Variants in PTPRT observed in about 807,000 individuals in gnomAD.
The protein encoded by PTPRT is protein tyrosine phosphatase receptor type T.
A neutral mutation model predicts 176.8 loss-of-function variants in PTPRT; 56 were observed. The ratio of observed to expected loss-of-function variants is 0.32; its 90% CI spans 0.26 to 0.40. The LOEUF (loss-of-function observed/expected upper bound fraction) is 0.40, where lower values mean the gene tolerates loss of function less well. Among genes scored for constraint, PTPRT ranks in the 10% least tolerant of loss-of-function variants. The pLI, the probability that PTPRT is intolerant of heterozygous loss-of-function variation, is 1.00. For missense variants in PTPRT, 1,540 were observed against 1,908.2 expected (o/e 0.81, Z 3.60); for synonymous variants, 783 against 739.0 (o/e 1.06, Z -0.96).
rs1479940334 is a variant in PTPRT, at chr20:42,617,671, G to A, written c.1153+60195C>T. ...CTTCTTCCTGGTTTAGTCTTGGGAG[G>A]GTGTATGTGTTGAGGAGTTTATCCA... is the stretch of plus-strand genomic sequence containing the variant. On this transcript the variant is annotated intron_variant, in intron 7 of 30. Coordinates refer to ENST00000373187, the MANE Select transcript of PTPRT (RefSeq NM_007050.6). Among the ~76,000 whole-genome samples the A allele has an allele frequency of 7.9e-5, 11 of 138,538 alleles. 3 individuals are homozygous for A. The highest frequency in any genetic ancestry group is 3.5e-4 in the African/African-American group (11 of 31,870). The allele number at this position is 138,538 out of a possible 152,430, so 90.9% of individuals were successfully genotyped here.
At chr20:42,694,027 T>C (rs1410620623) in intron 6 of PTPRT, among the ~76,000 whole-genome samples, 1 of 96,404 alleles carries the variant, frequency 1.0e-5, no homozygotes, top group Non-Finnish European at 2.1e-5. Flanking sequence ...TTTTTTTTCT[T>C]TTATTTTATT....
At chr20:42,812,841 G>A (rs907008788) in intron 2 of PTPRT, among the ~76,000 whole-genome samples, 42 of 152,028 alleles carry the variant, frequency 2.8e-4, no homozygotes, top group Admixed American at 8.5e-4. Context: ...CATAATCAAC[G>A]CCAAAATAAT....
chr20:42,822,047 T>G (rs1346137860), intron 2 of PTPRT, among the ~76,000 whole-genome samples: 3 of 152,120 alleles, frequency 2.0e-5, no homozygotes, highest in Non-Finnish European at 4.4e-5. Context: ...CTCACAGAAT[T>G]AGAAAAAATA....
Position 42,078,898 on chromosome 20 carries a change from T to A in PTPRT, c.*1981A>T, listed in dbSNP as rs1445952919. 1 of 175,592 alleles carries A rather than the reference T, an allele frequency of 5.7e-6. No homozygotes were observed. The allele number at this position is 175,592 out of a possible 1,614,324, so 10.9% of individuals were successfully genotyped here. A position where few individuals can be genotyped will look rare whatever the true frequency, so the allele number is the denominator to read the frequency against. On this transcript the variant is annotated 3_prime_UTR_variant, in exon 31 of 31. Transcript: ENST00000373187. The stretch of plus-strand genomic sequence containing the variant: ...AGAGACTTTCTTGCTCCTAGGCTCA[T>A]GGAACACTCATCCACTCCACACTAC...
intron 1 of PTPRT, among the ~76,000 whole-genome samples, chr20:43,077,751 T>C (rs1157512897): frequency 6.6e-6 from 1 of 152,224 alleles, no homozygotes; most frequent in Non-Finnish European, 1.5e-5. Flanking sequence ...ACCCCTTTTG[T>C]GGAGTCCACT....
At chr20:42,218,906 G>C (rs1471965120) in intron 15 of PTPRT, among the ~76,000 whole-genome samples, 1 of 152,348 alleles carries the variant, frequency 6.6e-6, no homozygotes, top group East Asian at 1.9e-4. Flanking sequence ...TTGGCTGTAA[G>C]AGGCAGTGCC....
intron 1 of PTPRT, among the ~76,000 whole-genome samples, chr20:43,106,805 T>C (rs1408114303): frequency 6.6e-6 from 1 of 152,218 alleles, no homozygotes; most frequent in African/African-American, 2.4e-5. Flanking sequence ...TTTCTTTTTT[T>C]TTGAAACGGA....
chr20:43,172,609 A>G (rs1433116922), intron 1 of PTPRT, among the ~76,000 whole-genome samples: 2 of 152,206 alleles, frequency 1.3e-5, no homozygotes, highest in Non-Finnish European at 2.9e-5. Context: ...CTGAACTCCC[A>G]GCAATAGCAC....
rs187886221 is a variant in PTPRT, at chr20:42,489,816, C to G, written c.1154-17254G>C. Among the ~76,000 whole-genome samples, 1,256 of 152,238 alleles carry G rather than the reference C, an allele frequency of 8.3e-3. 10 individuals carry two copies. Among genetic ancestry groups the G allele is most frequent in the Non-Finnish European group, 0.011 (715 of 68,004 alleles). ...AGACACAAACTTTTTTTGAAGAAAT[C>G]TTTGCCCAACTCTAGTCTACAAAGT... On this transcript the variant is annotated intron_variant, in intron 7 of 30. Transcript: ENST00000373187.
chr20:43,184,165 T>C (rs1282026337), intron 1 of PTPRT, among the ~76,000 whole-genome samples: 1 of 152,240 alleles, frequency 6.6e-6, no homozygotes, highest in Non-Finnish European at 1.5e-5. Context: ...AATGTGAGAC[T>C]TTGCATCTCT....
chr20:43,166,123 G>A (rs189781477), intron 1 of PTPRT, among the ~76,000 whole-genome samples: 2 of 152,052 alleles, frequency 1.3e-5, no homozygotes, highest in East Asian at 1.9e-4. Flanking sequence ...TCAGGAGTTC[G>A]AGACCATCGT....
intron 1 of PTPRT, among the ~76,000 whole-genome samples, chr20:42,905,706 G>C (rs1232583700): frequency 6.6e-6 from 1 of 152,102 alleles, no homozygotes; most frequent in Non-Finnish European, 1.5e-5. Flanking sequence ...AGAAACTGTG[G>C]CACATATACA....
At chr20:42,487,900 G>A (rs1362775882) in intron 7 of PTPRT, among the ~76,000 whole-genome samples, 2 of 152,180 alleles carry the variant, frequency 1.3e-5, no homozygotes, top group Non-Finnish European at 2.9e-5. Context: ...CCTTCCTTCT[G>A]TAGACCCATT....
intron 2 of PTPRT, among the ~76,000 whole-genome samples, chr20:42,797,861 A>G (rs893186902): frequency 6.6e-6 from 1 of 152,058 alleles, no homozygotes; most frequent in Non-Finnish European, 1.5e-5. Context: ...ATGAACCAAA[A>G]ACTGCAGGTG....
At chr20:42,810,608 C>T (rs6016892) in intron 2 of PTPRT, among the ~76,000 whole-genome samples, 4,424 of 152,238 alleles carry the variant, frequency 0.029, 216 homozygotes, top group African/African-American at 0.096. Context: ...TAAAATAATA[C>T]CTGGTGTCTA....
chr20:42,407,554 A>G (rs961384062), intron 9 of PTPRT, among the ~76,000 whole-genome samples: 1 of 152,102 alleles, frequency 6.6e-6, no homozygotes. Flanking sequence ...ACTTCAGTGA[A>G]CCCCTTATTA....
chr20:43,040,495 C>T (rs1986560799), intron 1 of PTPRT, among the ~76,000 whole-genome samples: 1 of 152,226 alleles, frequency 6.6e-6, no homozygotes, highest in East Asian at 1.9e-4. Flanking sequence ...TACTTACTAG[C>T]TGCTTGGCAT....
chr20:43,075,020 C>A (rs141987543), intron 1 of PTPRT, among the ~76,000 whole-genome samples: 41 of 152,356 alleles, frequency 2.7e-4, no homozygotes, highest in African/African-American at 9.1e-4. Flanking sequence ...ATTCCCCGGA[C>A]AGAGCCTCTG....
intron 1 of PTPRT, among the ~76,000 whole-genome samples, chr20:42,918,684 T>G (rs896729318): frequency 6.6e-6 from 1 of 152,148 alleles, no homozygotes; most frequent in Non-Finnish European, 1.5e-5. Flanking sequence ...ACACTGTCTC[T>G]AGTTTAGAAG....
Sources: allele counts gnomAD v4.1 joint callset (sites outside exome capture counted in the v4.1 genomes callset), GRCh38; gene constraint gnomAD v4.1.1; transcripts MANE v1.5; gene names NCBI Gene and HGNC (gene_info 2026-07-23, HGNC 2026-07-21).